KLHL3: variants seen among roughly 807,000 people sequenced by gnomAD.
The protein encoded by KLHL3 is kelch like family member 3, also known as kelch-like protein 3.
Under a neutral mutation model 70.5 loss-of-function variants are expected in KLHL3, and 19 were observed. The ratio of observed to expected loss-of-function variants is 0.27; its 90% CI spans 0.19 to 0.40. The LOEUF (loss-of-function observed/expected upper bound fraction) is 0.40, where lower values mean the gene tolerates loss of function less well. Among genes scored for constraint, KLHL3 ranks in the 10% least tolerant of loss-of-function variants. KLHL3 has a pLI of 1.00. For missense variants in KLHL3, 512 were observed against 771.1 expected (o/e 0.66, Z 3.98); for synonymous variants, 258 against 290.3 (o/e 0.89, Z 1.13).
intron 8 of KLHL3, among the ~76,000 whole-genome samples, chr5:137,640,740 C>G (rs534173823): frequency 3.9e-5 from 6 of 152,150 alleles, no homozygotes; most frequent in South Asian, 2.1e-4. Flanking sequence ...GCCACCCCCC[C>G]CAACTCCTGC....
intron 10 of KLHL3, 149 bp from the exon 11 acceptor site, chr5:137,637,544 G>A (rs1004708282): frequency 6.1e-5 from 40 of 655,934 alleles, no homozygotes; most frequent in Non-Finnish European, 9.6e-5. Flanking sequence ...CATGCGGCCT[G>A]TGGCAACTCC....
intron 6 of KLHL3, among the ~76,000 whole-genome samples, chr5:137,674,861 G>C (rs1751848983): frequency 6.6e-6 from 1 of 152,138 alleles, no homozygotes; most frequent in African/African-American, 2.4e-5. Flanking sequence ...AAATCTCCTG[G>C]AGCAGACACA....
chr5:137,652,763 T>C (rs969685455), intron 8 of KLHL3, among the ~76,000 whole-genome samples: 1 of 152,118 alleles, frequency 6.6e-6, no homozygotes, highest in African/African-American at 2.4e-5. Flanking sequence ...TGACTATAGT[T>C]AATAACAATG....
intron 3 of KLHL3, among the ~76,000 whole-genome samples, chr5:137,703,716 C>G (rs749271161): frequency 6.6e-6 from 1 of 152,104 alleles, no homozygotes; most frequent in Non-Finnish European, 1.5e-5. Context: ...GGTGGGACAG[C>G]AGGATCCAGC....
chr5:137,677,650 C>A lies in KLHL3; in HGVS notation c.531G>T (p.Gln177His). The change falls in exon 6 of 15, where the codon CAG becomes CAT. Residue 177 changes from glutamine (Q) to histidine (H), a missense_variant. Coordinates refer to ENST00000309755, the MANE Select transcript of KLHL3 (RefSeq NM_017415.3). ...LLQQANAYAE[Q>H]HFPEVMLGEE... is the part of the protein sequence containing the mutation. ...CTCCTAGCATCACCTCTGGAAAGTG[C>A]TGCTCTGTTCCAAAAAAAAAAAAAA... The A allele has an allele frequency of 6.5e-7, 1 of 1,545,172 alleles. No individual in the cohort carries two copies. Among genetic ancestry groups the A allele is most frequent in the South Asian group, 1.2e-5 (1 of 82,854 alleles).
chr5:137,661,611 A>G (rs755587596), intron 7 of KLHL3: 2 of 238,738 alleles, frequency 8.4e-6, no homozygotes, highest in Non-Finnish European at 1.6e-5. Flanking sequence ...TAGTCCTCAC[A>G]ACAACCCTGC....
chr5:137,695,677 T>C (rs1009242498), intron 4 of KLHL3, among the ~76,000 whole-genome samples: 4 of 152,158 alleles, frequency 2.6e-5, no homozygotes, highest in African/African-American at 9.7e-5. Context: ...CTGTCTTCAG[T>C]TCCCTCTCCC....
chr5:137,709,754 G>C lies in KLHL3; in HGVS notation c.237C>G (p.Phe79Leu). Residue 79 changes from phenylalanine (F) to leucine (L), a missense_variant, in exon 3 of 15, where the codon TTC becomes TTG. Transcript: ENST00000309755. ...AATGGTGGCCACTCACCATACCTGTGAACATCGCACAGAAGTAGGGGCTGC... is the reference window on the plus strand; with the variant it reads ...AATGGTGGCCACTCACCATACCTGTCAACATCGCACAGAAGTAGGGGCTGC... ...AACSPYFCAM[F>L]TGDMSESKAK... The C allele has an allele frequency of 6.2e-7, 1 of 1,613,116 alleles. No individual in the cohort carries two copies. The highest frequency in any genetic ancestry group is 8.5e-7 in the Non-Finnish European group (1 of 1,179,106).
chr5:137,642,900 C>T (rs1234609760), intron 8 of KLHL3, among the ~76,000 whole-genome samples: 1 of 151,946 alleles, frequency 6.6e-6, no homozygotes, highest in Middle Eastern at 3.4e-3. Context: ...TTCAGGAACC[C>T]TCACCATGCC....
intron 6 of KLHL3, among the ~76,000 whole-genome samples, chr5:137,663,128 G>A (rs1034181401): frequency 7.0e-6 from 1 of 143,164 alleles, no homozygotes; most frequent in African/African-American, 2.6e-5. Context: ...CACGATCTTG[G>A]CTCACTGCAA....
At chr5:137,669,888 T>C (rs1751708388) in intron 6 of KLHL3, among the ~76,000 whole-genome samples, 1 of 152,212 alleles carries the variant, frequency 6.6e-6, no homozygotes, top group Non-Finnish European at 1.5e-5. Flanking sequence ...GAAGCCAAAA[T>C]GGCTCACAGA....
Position 137,677,564 on chromosome 5 carries a change from G to A in KLHL3, c.617C>T (p.Thr206Ile). Residue 206 changes from threonine to isoleucine, a missense_variant, in exon 6 of 15, where the codon ACC becomes ATC. Thr to Ile is a moderately conservative substitution (Grantham distance 89, BLOSUM62 -1). Transcript: ENST00000309755. Reference sequence around the variant, plus strand: ...TCATACCTTCTCTTCTGAAGAAACGGTCAGCTTGTCGCTGGATATCAAGCT... The same window carrying A: ...TCATACCTTCTCTTCTGAAGAAACGATCAGCTTGTCGCTGGATATCAAGCT... ...VCSLISSDKL[T>I]VSSEEKVFEA... 6.2e-7 allele frequency: 1 copy of A among 1,602,896 alleles called. No homozygotes were observed.
chr5:137,733,064 C>T (rs1191440881), intron 1 of KLHL3, among the ~76,000 whole-genome samples: 3 of 152,050 alleles, frequency 2.0e-5, no homozygotes, highest in African/African-American at 4.8e-5. Flanking sequence ...TTTTGTAATG[C>T]TTAAAAACAG....
intron 3 of KLHL3, among the ~76,000 whole-genome samples, chr5:137,703,058 A>T (rs1752603935): frequency 6.6e-6 from 1 of 152,216 alleles, no homozygotes; most frequent in South Asian, 2.1e-4. Context: ...CTTCCAGGTT[A>T]TTAAGTAAAT....
In KLHL3 at chr5:137,658,301, A is replaced by G. The variant is rs779700364; in HGVS notation, c.754-21T>C. The G allele has an allele frequency of 1.9e-6, 3 of 1,613,366 alleles. No individual in the cohort carries two copies. In the East Asian group the frequency reaches 6.7e-5, roughly 36 times the overall value. On this transcript the variant is annotated intron_variant, in intron 7 of 14. Coordinates refer to ENST00000309755, the MANE Select transcript of KLHL3 (RefSeq NM_017415.3). ...ACCGTCTAGAGGTAATAATCCACAG[A>G]TGATCCTGGAGCACAGCTCAGCCAC... is the stretch of plus-strand genomic sequence containing the variant.
In KLHL3 at chr5:137,620,824, A is replaced by T. The variant is rs1057222501; in HGVS notation, c.*1274T>A. 1 of 152,256 alleles carries T rather than the reference A, an allele frequency of 6.6e-6. No individual in the cohort carries two copies. Among genetic ancestry groups the T allele is most frequent in the African/African-American group, 2.4e-5 (1 of 41,464 alleles). The allele number at this position is 152,256 out of a possible 1,614,324, so 9.4% of individuals were successfully genotyped here. A position where few individuals can be genotyped will look rare whatever the true frequency, so the allele number is the denominator to read the frequency against. ...TCTCCTACCTCACAGGGAAAGCAGT[A>T]GTGGGGTTCTTGGGGGTTGGGGAGA... On this transcript the variant is annotated 3_prime_UTR_variant, in exon 15 of 15. Coordinates refer to ENST00000309755, the MANE Select transcript of KLHL3 (RefSeq NM_017415.3).
chr5:137,728,201 C>A (rs1753114982), intron 1 of KLHL3, among the ~76,000 whole-genome samples: 1 of 152,074 alleles, frequency 6.6e-6, no homozygotes, highest in Admixed American at 6.5e-5. Flanking sequence ...ATTTAACAAA[C>A]AGCTTTTCCA....
In KLHL3 at chr5:137,634,034, T is replaced by C. The variant is rs375830209; in HGVS notation, c.1450+3A>G. ...CAGCCAGCACCCCGAGGTTCTCCCA[T>C]ACCTGCGCCACTGCGGCGGGTGCTC... On this transcript the variant is annotated splice_donor_region_variant and intron_variant, in intron 12 of 14. Transcript: ENST00000309755. The C allele has an allele frequency of 2.5e-6, 4 of 1,614,080 alleles. No individual in the cohort carries two copies. Among genetic ancestry groups the C allele is most frequent in the Non-Finnish European group, 3.4e-6 (4 of 1,180,036 alleles).
chr5:137,639,807 G>T lies in KLHL3; in HGVS notation c.1021+53C>A. The T allele has an allele frequency of 7.4e-7, 1 of 1,355,930 alleles. No individual in the cohort carries two copies. Among genetic ancestry groups the T allele is most frequent in the Non-Finnish European group, 1.1e-6 (1 of 945,540 alleles). 84.0% of individuals were successfully genotyped at this position (1,355,930 alleles called of 1,614,324 possible). On this transcript the variant is annotated intron_variant, in intron 9 of 14. Coordinates refer to ENST00000309755, the MANE Select transcript of KLHL3 (RefSeq NM_017415.3). This position sits in a 1 kb window ranked among gnomAD's most constrained non-coding sequence, Gnocchi z 5.0. ...AGGAGTAGCTCACGACTTCTGGCAC[G>T]GAGTGGGGACCAGCAGGGGAAAAAC...
Sources: allele counts gnomAD v4.1 joint callset (sites outside exome capture counted in the v4.1 genomes callset), GRCh38; gene constraint gnomAD v4.1.1; non-coding constraint Gnocchi (gnomAD v3.1); transcripts MANE v1.5; gene names NCBI Gene and HGNC (gene_info 2026-07-23, HGNC 2026-07-21).